PPP1R13B: variants seen among roughly 807,000 people sequenced by gnomAD.
PPP1R13B encodes protein phosphatase 1 regulatory subunit 13B, also known as apoptosis-stimulating of p53 protein 1.
PPP1R13B carries 44 observed loss-of-function variants against 119.8 expected under a neutral mutation model. That is an observed-to-expected ratio of 0.37 (90% CI 0.29 to 0.47). The LOEUF is 0.47. Among genes scored for constraint, PPP1R13B ranks in the 20% least tolerant of loss-of-function variants. The pLI, the probability that PPP1R13B is intolerant of heterozygous loss-of-function variation, is 0.99. For missense variants in PPP1R13B, 1,227 were observed against 1,413.5 expected, an observed-to-expected ratio of 0.87 and a Z score of 2.12; for synonymous variants, 542 against 561.5, an observed-to-expected ratio of 0.97 and a Z score of 0.49.
chr14:103,745,962 C>T (rs779121657), intron 9 of PPP1R13B, among the ~76,000 whole-genome samples: 10 of 152,108 alleles, frequency 6.6e-5, no homozygotes, highest in South Asian at 2.1e-4. Context: ...CACGCCACCA[C>T]GCCCGGCTAA....
chr14:103,741,083 C>T (rs1429158863), intron 11 of PPP1R13B, among the ~76,000 whole-genome samples: 1 of 152,248 alleles, frequency 6.6e-6, no homozygotes. Context: ...GGGAACACTG[C>T]ACCACCACCT....
At chr14:103,848,360 C>T, upstream of PPP1R13B, 1 of 985,466 alleles carries the variant, frequency 1.0e-6, no homozygotes, top group Non-Finnish European at 1.2e-6. Context: ...CCCTGCAGTC[C>T]CGTCTCCAGA....
At position 103,734,960 on chromosome 14, in the gene PPP1R13B, C is replaced by A. The variant is rs757985866; in HGVS notation, c.*194G>T. On this transcript the variant is annotated 3_prime_UTR_variant, in exon 17 of 17. Coordinates refer to ENST00000202556, the MANE Select transcript of PPP1R13B (RefSeq NM_015316.3). ...AATTCAGTCCTTGGAGGCGAAAGTA[C>A]CTCTCCCAGTTAATGGGCAAACTGG... 7.0e-6 allele frequency: 5 copies of A among 718,650 alleles called. No homozygotes were observed. Among genetic ancestry groups the A allele is most frequent in the South Asian group, 3.0e-5 (2 of 67,024 alleles). 44.5% of individuals were successfully genotyped at this position (718,650 alleles called of 1,614,324 possible).
At position 103,734,734 on chromosome 14, in the gene PPP1R13B, G is replaced by A. The variant is rs971994708; in HGVS notation, c.*420C>T. ...AAGGATGAGTGTCCGATTCGGTGACGGGGGGCAGGGCGGTCGCAGGGGAGC... is the reference window on the plus strand; with the variant it reads ...AAGGATGAGTGTCCGATTCGGTGACAGGGGGCAGGGCGGTCGCAGGGGAGC... On this transcript the variant is annotated 3_prime_UTR_variant, in exon 17 of 17. Transcript: ENST00000202556. 2.0e-5 allele frequency: 9 copies of A among 461,108 alleles called. No individual in the cohort carries two copies. Among genetic ancestry groups the A allele is most frequent in the East Asian group, 6.8e-5 (1 of 14,660 alleles). 28.6% of individuals were successfully genotyped at this position (461,108 alleles called of 1,614,324 possible). A position where few individuals can be genotyped will look rare whatever the true frequency, so the allele number is the denominator to read the frequency against.
At chr14:103,803,364 C>T (rs2085943921) in intron 1 of PPP1R13B, among the ~76,000 whole-genome samples, 2 of 152,130 alleles carry the variant, frequency 1.3e-5, no homozygotes. Flanking sequence ...AGATTTGGGG[C>T]CGGGTGCGGT....
Position 103,739,910 on chromosome 14 carries a change from G to A in PPP1R13B, c.2506C>T (p.Pro836Ser). The change falls in exon 12 of 17, where the codon CCT becomes TCT. Residue 836 changes from proline (P) to serine (S), a missense_variant. By Grantham distance (74) the Pro-to-Ser change is moderately conservative (BLOSUM62 -1). Transcript: ENST00000202556. ...TVPTTEQIPS[P>S]VAEAPSPGEE... ...CCTGGAGATGGGGCCTCAGCCACAG[G>A]ACTCGGGATCTGCTCCGTGGTGGGG... 6.2e-7 allele frequency: 1 copy of A among 1,614,034 alleles called. No individual in the cohort carries two copies. The highest frequency in any genetic ancestry group is 8.5e-7 in the Non-Finnish European group (1 of 1,180,016).
At position 103,768,434 on chromosome 14, in the gene PPP1R13B, C is replaced by A. The variant is rs2152001215; in HGVS notation, c.354+10311G>T. On this transcript the variant is annotated intron_variant, in intron 4 of 16. Coordinates refer to ENST00000202556, the MANE Select transcript of PPP1R13B (RefSeq NM_015316.3). ...GCCTCAGCCTCTCGAGTAGCTGGAACTACAGGCGTGCGCCACCACGCCCGG... is the reference window on the plus strand; with the variant it reads ...GCCTCAGCCTCTCGAGTAGCTGGAAATACAGGCGTGCGCCACCACGCCCGG... 2.0e-5 allele frequency among the ~76,000 whole-genome samples: 3 copies of A among 152,224 alleles called. No individual in the cohort carries two copies. The South Asian group carries it at 6.2e-4, about 32-fold the overall frequency.
chr14:103,763,071 C>G, intron 4 of PPP1R13B: 1 of 1,224,416 alleles, frequency 8.2e-7, no homozygotes, highest in Non-Finnish European at 1.2e-6. Flanking sequence ...GATTCGTTGT[C>G]ACCAGCACTT....
chr14:103,756,143 G>A (rs1322912139), intron 5 of PPP1R13B, among the ~76,000 whole-genome samples: 3 of 150,914 alleles, frequency 2.0e-5, no homozygotes, highest in East Asian at 3.9e-4. Flanking sequence ...CACCCAGGCT[G>A]CAGTGCAATG....
At chr14:103,754,291 G>A (rs376348683) in intron 5 of PPP1R13B, 47 bp from the exon 6 acceptor site, 19 of 1,561,344 alleles carry the variant, frequency 1.2e-5, no homozygotes, top group Non-Finnish European at 1.5e-5. Flanking sequence ...AAGGCTGGGC[G>A]CGGTGGCTCA....
At chr14:103,836,605 C>T (rs2086784555) in intron 1 of PPP1R13B, among the ~76,000 whole-genome samples, 1 of 151,494 alleles carries the variant, frequency 6.6e-6, no homozygotes, top group South Asian at 2.1e-4. Context: ...CCCATCTCTA[C>T]TAAAGATAAA....
At chr14:103,748,054 C>A (rs1373649123) in intron 8 of PPP1R13B, among the ~76,000 whole-genome samples, 1 of 147,298 alleles carries the variant, frequency 6.8e-6, no homozygotes, top group Admixed American at 6.9e-5. Context: ...TGAGCCAATT[C>A]CTTAAATCAC....
Position 103,825,846 on chromosome 14 carries a change from CTTTTTTTTTTTTT to C in PPP1R13B, c.9+21440_9+21452del, listed in dbSNP as rs67751577. On this transcript the variant is annotated intron_variant, in intron 1 of 16. Coordinates refer to ENST00000202556, the MANE Select transcript of PPP1R13B (RefSeq NM_015316.3). ...ACTGTAGACAGTGATTTTTTCTTTT[CTTTTTTTTTTTTT>C]TTTGAGAGAGAGTCTCGCTCTATCG... Among the ~76,000 whole-genome samples the C allele has an allele frequency of 2.1e-5, 3 of 143,706 alleles. No homozygotes were observed. The South Asian group carries it at 6.7e-4, about 32-fold the overall frequency. The allele number at this position is 143,706 out of a possible 152,430, so 94.3% of individuals were successfully genotyped here.
At chr14:103,760,503 T>C (rs1229676405) in intron 4 of PPP1R13B, among the ~76,000 whole-genome samples, 1 of 152,130 alleles carries the variant, frequency 6.6e-6, no homozygotes, top group African/African-American at 2.4e-5. Flanking sequence ...TAAGTTAAAT[T>C]AGCAGAAAAG....
chr14:103,824,794 G>T (rs753324884), intron 1 of PPP1R13B, among the ~76,000 whole-genome samples: 9 of 151,890 alleles, frequency 5.9e-5, no homozygotes, highest in Admixed American at 4.6e-4. Flanking sequence ...TTTGTTGTAT[G>T]TCACTTTCTT....
chr14:103,785,007 C>G, intron 2 of PPP1R13B, 93 bp from the exon 3 acceptor site: 1 of 1,141,382 alleles, frequency 8.8e-7, no homozygotes, highest in Non-Finnish European at 1.2e-6. Flanking sequence ...TGTATATATG[C>G]ACACATGTAT....
intron 1 of PPP1R13B, among the ~76,000 whole-genome samples, chr14:103,812,695 G>A (rs1183097863): frequency 3.3e-5 from 5 of 152,182 alleles, no homozygotes; most frequent in South Asian, 4.1e-4. Context: ...GATTACACGC[G>A]TGAGCCACCG....
rs371130327 is a variant in PPP1R13B at position 103,799,580 on chromosome 14, T to C, written c.10-2062A>G. 1.5e-4 allele frequency among the ~76,000 whole-genome samples: 22 copies of C among 151,702 alleles called. No individual in the cohort carries two copies. The East Asian group carries it at 2.3e-3, about 16-fold the overall frequency. On this transcript the variant is annotated intron_variant, in intron 1 of 16. Transcript: ENST00000202556. The stretch of plus-strand genomic sequence containing the variant: ...CGCCTGCCTTGGCCTCCCAAAGTGC[T>C]GGGATTATAGGCGTGAGCCACTGTG...
rs1203664914 is a variant in PPP1R13B at position 103,740,366 on chromosome 14, G to A, written c.2050C>T (p.Arg684Cys). The A allele has an allele frequency of 2.4e-5, 38 of 1,566,146 alleles. No individual in the cohort carries two copies. Among genetic ancestry groups the A allele is most frequent in the Non-Finnish European group, 3.1e-5 (36 of 1,154,040 alleles). ...TCCAGGTCTGCATCACTCTGGTAGC[G>A]CAGTGGCGAATGCACGATGGGCGTG... is the stretch of plus-strand genomic sequence containing the variant. The part of the protein sequence containing the change: ...KLTPIVHSPL[R>C]YQSDADLEAL... The change falls in exon 12 of 17, where the codon CGC (arginine) becomes TGC (cysteine). Residue 684 changes from arginine (R) to cysteine (C), a missense_variant. Coordinates refer to ENST00000202556, the MANE Select transcript of PPP1R13B (RefSeq NM_015316.3). The surrounding 1 kb of genome is among the most constrained non-coding windows in gnomAD (Gnocchi z 4.6).
Sources: gnomAD v4.1 joint callset for allele counts (sites outside exome capture counted in the v4.1 genomes callset) on GRCh38, gnomAD v4.1.1 for gene constraint, Gnocchi (gnomAD v3.1) non-coding constraint, MANE v1.5 for transcripts, NCBI Gene and HGNC (gene_info 2026-07-23, HGNC 2026-07-21) for gene names.